Variants in TBC1D31 observed in about 807,000 individuals in gnomAD.
TBC1D31 encodes the protein TBC1 domain family member 31.
In TBC1D31, 99 loss-of-function variants were observed where a neutral mutation model predicts 132.9. The observed-to-expected ratio is 0.74, with a 90% CI of 0.63 to 0.88. The LOEUF is 0.88. Ranked by LOEUF, TBC1D31 falls within the 40% of genes least tolerant of loss-of-function variation. TBC1D31 has a pLI of 0.00. For missense variants in TBC1D31, 1,134 were observed against 1,256.6 expected (o/e 0.90, Z 1.48); for synonymous variants, 385 against 419.4 (o/e 0.92, Z 1.00).
intron 4 of TBC1D31, among the ~76,000 whole-genome samples, chr8:123,091,120 T>G (rs1385334863): frequency 1.3e-5 from 2 of 152,144 alleles, no homozygotes; most frequent in East Asian, 3.8e-4. Context: ...GTTAATGTTT[T>G]GAAGTTTTTC....
At chr8:123,095,100 T>C (rs1376340133) in intron 5 of TBC1D31, among the ~76,000 whole-genome samples, 1 of 152,228 alleles carries the variant, frequency 6.6e-6, no homozygotes, top group African/African-American at 2.4e-5. Context: ...TCATGTGGTA[T>C]TGTTTAATAT....
chr8:123,109,353 C>T lies in TBC1D31; in HGVS notation c.1246C>T (p.Gln416Ter), dbSNP rs1430387689. 1 of 1,606,040 alleles carries T rather than the reference C, an allele frequency of 6.2e-7. No individual in the cohort carries two copies. The highest frequency in any genetic ancestry group is 8.5e-7 in the Non-Finnish European group (1 of 1,173,912). Residue 416 changes from glutamine to a stop codon, truncating the protein, a stop_gained, in exon 9 of 22, where the codon CAA (glutamine) becomes TAA (stop). Coordinates refer to ENST00000287380, the MANE Select transcript of TBC1D31 (RefSeq NM_145647.4). LOFTEE classifies it high-confidence loss of function. Reference protein sequence around the residue: ...LPDGLNKKRLQILLKGYGEYP... With the variant: ...LPDGLNKKRL The stretch of plus-strand genomic sequence containing the variant: ...AGATGGATTAAACAAAAAGCGTTTA[C>T]AAATCTTATTAAAAGGCTATGGTGA...
chr8:123,147,313 C>T (rs562625707), intron 20 of TBC1D31, among the ~76,000 whole-genome samples: 12 of 152,230 alleles, frequency 7.9e-5, no homozygotes, highest in Non-Finnish European at 1.3e-4. Flanking sequence ...GCTGGGACAA[C>T]AGGCGCCCAC....
At chr8:123,160,507 G>A in the TBC1D31 span, among the ~76,000 whole-genome samples, 3 of 152,096 alleles carry the variant, frequency 2.0e-5, no homozygotes, top group Non-Finnish European at 4.4e-5. Flanking sequence ...GGAGCAGGAG[G>A]AGGAGGAGGC....
intron 19 of TBC1D31, among the ~76,000 whole-genome samples, 155 bp from the exon 20 acceptor site, chr8:123,144,562 A>C (rs1189457962): frequency 6.6e-6 from 1 of 152,222 alleles, no homozygotes; most frequent in East Asian, 1.9e-4. Flanking sequence ...TTGGGCCAAC[A>C]CAGGCACCCC....
At chr8:123,156,426 GTGAGACC>G (rs1822990253), downstream of TBC1D31, among the ~76,000 whole-genome samples, 1 of 133,348 alleles carries the variant, frequency 7.5e-6, no homozygotes, top group African/African-American at 2.9e-5. Context: ...GGGCAACAGA[GTGAGACC>G]CTGTCTCAAA....
intron 16 of TBC1D31, 151 bp from the exon 17 acceptor site, chr8:123,133,963 T>A: frequency 3.7e-6 from 2 of 534,108 alleles, no homozygotes; most frequent in Non-Finnish European, 6.7e-6. Context: ...GCAGTGAATA[T>A]TAATCTTTGT....
chr8:123,111,465 G>A (rs751144195), intron 10 of TBC1D31, among the ~76,000 whole-genome samples: 3 of 152,104 alleles, frequency 2.0e-5, no homozygotes, highest in Non-Finnish European at 4.4e-5. Flanking sequence ...AGCAATCAGT[G>A]TATTGATTAT....
intron 10 of TBC1D31, among the ~76,000 whole-genome samples, chr8:123,115,328 T>G (rs1423990078): frequency 6.6e-6 from 1 of 152,228 alleles, no homozygotes. Context: ...TGTATTTAGG[T>G]TGATTTCTAG....
chr8:123,075,827 G>A (rs1006122733), intron 1 of TBC1D31, among the ~76,000 whole-genome samples: 13 of 152,088 alleles, frequency 8.5e-5, no homozygotes, highest in African/African-American at 1.9e-4. Context: ...GAGAATATAC[G>A]CACATATATT....
At chr8:123,158,794 T>A in the TBC1D31 span, among the ~76,000 whole-genome samples, 10 of 151,862 alleles carry the variant, frequency 6.6e-5, no homozygotes, top group East Asian at 1.9e-3. Context: ...CTGCTCCACC[T>A]CCCAGTGGGA....
intron 17 of TBC1D31, among the ~76,000 whole-genome samples, chr8:123,137,984 C>T (rs552727516): frequency 2.0e-5 from 3 of 152,126 alleles, no homozygotes; most frequent in Non-Finnish European, 4.4e-5. Flanking sequence ...CTAAAAAGCT[C>T]TATTATTTTA....
chr8:123,143,757 C>T (rs1427745192), intron 19 of TBC1D31, among the ~76,000 whole-genome samples: 4 of 152,114 alleles, frequency 2.6e-5, no homozygotes, highest in Non-Finnish European at 5.9e-5. Context: ...TATCCAGAAC[C>T]CTGAGGCTGT....
At chr8:123,128,196 C>T (rs1044342200) in intron 13 of TBC1D31, 85 bp from the exon 14 acceptor site, 5 of 680,864 alleles carry the variant, frequency 7.3e-6, no homozygotes, top group African/African-American at 5.5e-5. Context: ...AAGATAGATA[C>T]ACTTTTTTTA....
intron 7 of TBC1D31, among the ~76,000 whole-genome samples, chr8:123,104,414 A>G (rs1051416287): frequency 1.4e-4 from 21 of 152,310 alleles, no homozygotes; most frequent in African/African-American, 4.8e-4. Context: ...ATTGAAGTCA[A>G]AAAATAGTTT....
chr8:123,115,116 G>A (rs1337979045), intron 10 of TBC1D31, among the ~76,000 whole-genome samples: 1 of 152,090 alleles, frequency 6.6e-6, no homozygotes, highest in Non-Finnish European at 1.5e-5. Flanking sequence ...AAACTACTAG[G>A]TCAAATCATT....
At chr8:123,072,958 C>A in intron 1 of TBC1D31, 112 bp downstream of exon 1, 1 of 1,103,268 alleles carries the variant, frequency 9.1e-7, no homozygotes, top group Non-Finnish European at 1.3e-6. Context: ...TGCCCCGCAT[C>A]CCTGGGTTGG....
intron 13 of TBC1D31, 23 bp from the exon 14 acceptor site, chr8:123,128,258 T>G: frequency 7.5e-7 from 1 of 1,341,024 alleles, no homozygotes; most frequent in Non-Finnish European, 1.1e-6. Context: ...AAATCTCGAT[T>G]TAAACACCAA....
Position 123,129,205 on chromosome 8 carries a change from C to A in TBC1D31, c.2257C>A (p.Gln753Lys), listed in dbSNP as rs772522996. The change falls in exon 15 of 22, where the codon CAA becomes AAA. Residue 753 changes from glutamine (Q) to lysine (K), a missense_variant. Physicochemically the swap from Gln to Lys is moderately conservative, Grantham distance 53. Coordinates refer to ENST00000287380, the MANE Select transcript of TBC1D31 (RefSeq NM_145647.4). The stretch of plus-strand genomic sequence containing the variant: ...CTTACAAGAGGAGGAGAAAATGATA[C>A]AACAAAGACAGAGGTATGTGTTATC... ...MLLQEEEKMI[Q>K]QRQRLAAVKR... The A allele has an allele frequency of 6.3e-7, 1 of 1,587,296 alleles. No homozygotes were observed. Among genetic ancestry groups the A allele is most frequent in the Non-Finnish European group, 8.6e-7 (1 of 1,161,672 alleles).
Sources: allele counts gnomAD v4.1 joint callset (sites outside exome capture counted in the v4.1 genomes callset), GRCh38; gene constraint gnomAD v4.1.1; transcripts MANE v1.5; gene names NCBI Gene and HGNC (gene_info 2026-07-23, HGNC 2026-07-21).